The following XIRP2 variants were observed in gnomAD, a reference collection of about 807,000 sequenced individuals.
The protein encoded by XIRP2 is xin actin-binding repeat-containing protein 2.
A neutral mutation model predicts 277.0 loss-of-function variants in XIRP2; 236 were observed. The ratio of observed to expected loss-of-function variants is 0.85; its 90% CI spans 0.77 to 0.95. XIRP2 has a LOEUF of 0.95. XIRP2 is among the 40% of genes least tolerant of loss of function. The pLI, the probability that XIRP2 is intolerant of heterozygous loss-of-function variation, is 0.00. For synonymous variants in XIRP2, 1,490 were observed against 1,416.5 expected, an observed-to-expected ratio of 1.05 and a Z score of -1.17; for missense variants, 4,640 against 4,157.5, an observed-to-expected ratio of 1.12 and a Z score of -3.19.
At chr2:166,997,950 G>A (rs966129219) in intron 2 of XIRP2, among the ~76,000 whole-genome samples, 9 of 151,660 alleles carry the variant, frequency 5.9e-5, no homozygotes, top group Admixed American at 1.3e-4. Context: ...AACGCTTACT[G>A]AGCGCCATTT....
intron 2 of XIRP2, among the ~76,000 whole-genome samples, chr2:166,996,832 T>C (rs913489144): frequency 2.0e-5 from 3 of 152,120 alleles, no homozygotes; most frequent in African/African-American, 7.2e-5. Context: ...ATTTAGGAAC[T>C]CACTCAATCT....
Position 167,246,489 on chromosome 2 carries a change from T to C in XIRP2, c.5097T>C (p.Asp1699=). The C allele has an allele frequency of 6.2e-7, 1 of 1,613,690 alleles. No individual in the cohort carries two copies. Among genetic ancestry groups the C allele is most frequent in the Non-Finnish European group, 8.5e-7 (1 of 1,179,788 alleles). The part of the protein sequence containing the change: ...MTIYCLLHEN[D]GDTIEREEVI... ...TCTATTGTCTTCTTCATGAAAATGATGGTGACACAATTGAGCGTGAAGAAG... is the reference window on the plus strand; with the variant it reads ...TCTATTGTCTTCTTCATGAAAATGACGGTGACACAATTGAGCGTGAAGAAG... Residue 1699 remains aspartate, a synonymous_variant, in exon 9 of 11, where the codon GAT becomes GAC. Transcript: ENST00000409195.
chr2:167,161,575 C>T (rs7561839), intron 3 of XIRP2, among the ~76,000 whole-genome samples: 15,052 of 152,258 alleles, frequency 0.099, 799 homozygotes, highest in South Asian at 0.15. Flanking sequence ...CTTCCAGCCA[C>T]AGCTGGAGTA....
At chr2:166,959,218 T>C (rs956724792) in intron 2 of XIRP2, among the ~76,000 whole-genome samples, 1 of 151,840 alleles carries the variant, frequency 6.6e-6, no homozygotes, top group African/African-American at 2.4e-5. Context: ...AAAGTGCAAA[T>C]GTCCCTGTTG....
chr2:167,198,743 A>G (rs754055446), intron 3 of XIRP2, among the ~76,000 whole-genome samples: 7 of 152,234 alleles, frequency 4.6e-5, no homozygotes, highest in African/African-American at 1.7e-4. Context: ...TCACCAAGCC[A>G]TGCTGCATTA....
intron 2 of XIRP2, among the ~76,000 whole-genome samples, chr2:167,111,986 CT>C (rs1185825353): frequency 1.3e-5 from 2 of 152,046 alleles, no homozygotes; most frequent in African/African-American, 4.8e-5. Flanking sequence ...GTTTTTTGTA[CT>C]TCTGTGGGGT....
At chr2:166,955,195 A>C (rs1173801692) in intron 2 of XIRP2, among the ~76,000 whole-genome samples, 1 of 151,950 alleles carries the variant, frequency 6.6e-6, no homozygotes, top group Non-Finnish European at 1.5e-5. Context: ...GATAGACAAA[A>C]TGCAGTATGT....
Position 166,931,381 on chromosome 2 carries a change from G to T in XIRP2, c.408+27491G>T, listed in dbSNP as rs139043494. ...TTGACTCATGTGAGCATCTCTTAGA[G>T]CAAAATTTTGTCTCAAGACCTTCCC... On this transcript the variant is annotated intron_variant, in intron 2 of 10. Transcript: ENST00000409195. Among the ~76,000 whole-genome samples, 16 of 152,228 alleles carry T rather than the reference G, an allele frequency of 1.1e-4. No individual in the cohort carries two copies. In the East Asian group the frequency reaches 3.1e-3, roughly 29 times the overall value.
In XIRP2 at chr2:167,244,988, G is replaced by A. The variant is rs1340409165; in HGVS notation, c.3596G>A (p.Ser1199Asn). The A allele has an allele frequency of 6.8e-6, 11 of 1,613,366 alleles. No homozygotes were observed. Among genetic ancestry groups the A allele is most frequent in the Non-Finnish European group, 8.5e-6 (10 of 1,179,670 alleles). Residue 1199 changes from serine to asparagine, a missense_variant, in exon 9 of 11, where the codon AGC becomes AAC. By Grantham distance (46) the Ser-to-Asn change is conservative. Transcript: ENST00000409195. ...EMDIQAGDVS[S>N]MRYKFENQSL... is the part of the protein sequence containing the mutation. The stretch of plus-strand genomic sequence containing the variant: ...GATATACAAGCTGGAGATGTTTCCA[G>A]CATGAGGTATAAATTTGAAAATCAG...
chr2:167,233,283 A>G (rs1014814846), intron 5 of XIRP2, among the ~76,000 whole-genome samples: 5 of 152,094 alleles, frequency 3.3e-5, no homozygotes, highest in Middle Eastern at 3.4e-3. Context: ...GCCAGATAAT[A>G]AATAAAATTT....
chr2:166,933,049 A>C (rs546547090), intron 2 of XIRP2, among the ~76,000 whole-genome samples: 1 of 151,996 alleles, frequency 6.6e-6, no homozygotes, highest in Admixed American at 6.6e-5. Context: ...TTAACTTTAT[A>C]AAATTATTTT....
intron 2 of XIRP2, among the ~76,000 whole-genome samples, chr2:167,076,315 A>G (rs1689570556): frequency 6.6e-6 from 1 of 152,348 alleles, no homozygotes; most frequent in Admixed American, 6.5e-5. Context: ...CTTTTATTTC[A>G]ATGCTAATAC....
intron 2 of XIRP2, among the ~76,000 whole-genome samples, chr2:166,920,587 G>T (rs1685011138): frequency 6.6e-6 from 1 of 152,106 alleles, no homozygotes; most frequent in Non-Finnish European, 1.5e-5. Context: ...TTCATAGTTT[G>T]TCAGGATTTT....
intron 2 of XIRP2, among the ~76,000 whole-genome samples, chr2:167,072,474 C>A (rs925130761): frequency 6.6e-6 from 1 of 152,170 alleles, no homozygotes; most frequent in African/African-American, 2.4e-5. Context: ...ACCCCTTGAT[C>A]CGCTGGTGTT....
rs1319122972 is a variant in XIRP2, at chr2:167,242,719, G to C, written c.1327G>C (p.Ala443Pro). The C allele has an allele frequency of 6.2e-7, 1 of 1,614,052 alleles. No individual in the cohort carries two copies. Among genetic ancestry groups the C allele is most frequent in the South Asian group, 1.1e-5 (1 of 91,068 alleles). ...TTCCTCAACTCTGGCACAAATTAAT[G>C]CTACTTCTTCAGGAATGACAGAAGA... ...VTSSTLAQIN[A>P]TSSGMTEEFP... is the part of the protein sequence containing the mutation. The change falls in exon 9 of 11, where the codon GCT becomes CCT. Residue 443 changes from alanine (A) to proline (P), a missense_variant. By Grantham distance (27) the Ala-to-Pro change is conservative. Coordinates refer to ENST00000409195, the MANE Select transcript of XIRP2 (RefSeq NM_152381.6).
intron 3 of XIRP2, among the ~76,000 whole-genome samples, chr2:167,143,168 G>C (rs1691769883): frequency 6.6e-6 from 1 of 152,124 alleles, no homozygotes; most frequent in Non-Finnish European, 1.5e-5. Flanking sequence ...CTATGGACCT[G>C]CCCCTGTGCT....
At position 167,245,378 on chromosome 2, in the gene XIRP2, G is replaced by A. The variant is rs1695218403; in HGVS notation, c.3986G>A (p.Gly1329Glu). The A allele has an allele frequency of 1.2e-6, 2 of 1,613,444 alleles. No homozygotes were observed. Among genetic ancestry groups the A allele is most frequent in the African/African-American group, 1.3e-5 (1 of 74,800 alleles). ...CTCTATGCAATTCAAGACCGAGAAG[G>A]GTCCTATCATGAAGTGACCACAGTT... The part of the protein sequence containing the change: ...QPLYAIQDRE[G>E]SYHEVTTVKK... Residue 1329 changes from glycine to glutamate, a missense_variant, in exon 9 of 11, where the codon GGG becomes GAG. Coordinates refer to ENST00000409195, the MANE Select transcript of XIRP2 (RefSeq NM_152381.6).
At chr2:167,055,162 AT>A (rs1360140832) in intron 2 of XIRP2, among the ~76,000 whole-genome samples, 1 of 152,162 alleles carries the variant, frequency 6.6e-6, no homozygotes, top group Non-Finnish European at 1.5e-5. Flanking sequence ...GTACCTTAGT[AT>A]TTTGTAAAAC....
chr2:167,082,957 GT>G (rs1689786637), intron 2 of XIRP2, among the ~76,000 whole-genome samples: 1 of 152,012 alleles, frequency 6.6e-6, no homozygotes, highest in African/African-American at 2.4e-5. Context: ...ATTAGATCCC[GT>G]TTGTCAATTT....
Sources: allele counts gnomAD v4.1 joint callset (sites outside exome capture counted in the v4.1 genomes callset), GRCh38; gene constraint gnomAD v4.1.1; transcripts MANE v1.5; gene names NCBI Gene and HGNC (gene_info 2026-07-23, HGNC 2026-07-21).